Variants in XKR4 observed in about 807,000 individuals in gnomAD.
XKR4 encodes XK-related protein 4.
XKR4 carries 12 observed loss-of-function variants against 53.9 expected under a neutral mutation model. The ratio of observed to expected loss-of-function variants is 0.22; its 90% CI spans 0.14 to 0.36. XKR4 has a LOEUF of 0.36. XKR4 is among the 10% of genes least tolerant of loss of function. The pLI is 1.00. For synonymous variants in XKR4, 354 were observed against 362.4 expected (o/e 0.98, Z 0.26); for missense variants, 799 against 859.5 (o/e 0.93, Z 0.88).
intron 1 of XKR4, among the ~76,000 whole-genome samples, chr8:55,221,515 G>A (rs1228690004): frequency 1.3e-5 from 2 of 152,166 alleles, no homozygotes; most frequent in African/African-American, 4.8e-5. Flanking sequence ...GTTTCTGATG[G>A]TCAAAGCCAA....
At chr8:55,492,284 A>G (rs1585604009) in intron 2 of XKR4, among the ~76,000 whole-genome samples, 1 of 152,222 alleles carries the variant, frequency 6.6e-6, no homozygotes, top group African/African-American at 2.4e-5. Context: ...CATGCTTTAT[A>G]TATTTAGTAG....
At chr8:55,305,079 G>C (rs988401467) in intron 1 of XKR4, among the ~76,000 whole-genome samples, 1 of 152,158 alleles carries the variant, frequency 6.6e-6, no homozygotes, top group African/African-American at 2.4e-5. Flanking sequence ...GGCTCAGCCA[G>C]TGGCGATGGG....
At chr8:55,116,995 G>A (rs1006535146) in intron 1 of XKR4, among the ~76,000 whole-genome samples, 1 of 152,108 alleles carries the variant, frequency 6.6e-6, no homozygotes, top group Middle Eastern at 3.4e-3. Context: ...TTGATGTGAA[G>A]AAAAAAGATA....
chr8:55,139,714 T>C (rs938064366), intron 1 of XKR4, among the ~76,000 whole-genome samples: 1 of 151,932 alleles, frequency 6.6e-6, no homozygotes, highest in Non-Finnish European at 1.5e-5. Context: ...GAGAGAATAC[T>C]GAACTCCTGA....
At chr8:55,452,509 CCT>C in intron 2 of XKR4, 1 of 651,754 alleles carries the variant, frequency 1.5e-6, no homozygotes, top group Non-Finnish European at 2.8e-6. Context: ...AGCACACACT[CCT>C]CACCAGACAG....
intron 2 of XKR4, among the ~76,000 whole-genome samples, chr8:55,386,236 C>T (rs958694039): frequency 6.6e-6 from 1 of 152,126 alleles, no homozygotes; most frequent in African/African-American, 2.4e-5. Flanking sequence ...CTTGCATCAC[C>T]ACCTCGTGAG....
intron 2 of XKR4, among the ~76,000 whole-genome samples, chr8:55,418,783 C>T (rs890709395): frequency 2.6e-5 from 4 of 152,216 alleles, no homozygotes; most frequent in African/African-American, 9.6e-5. Flanking sequence ...TTCCTGACAC[C>T]TGTCCAGCTC....
chr8:55,399,078 AAGTAGCG>A (rs1315905005), intron 2 of XKR4, among the ~76,000 whole-genome samples: 1 of 152,208 alleles, frequency 6.6e-6, no homozygotes, highest in African/African-American at 2.4e-5. Context: ...GATTTTCTGG[AAGTAGCG>A]AGTGTTGTTC....
intron 2 of XKR4, chr8:55,450,811 G>T: frequency 1.9e-6 from 1 of 513,582 alleles, no homozygotes; most frequent in South Asian, 1.9e-5. Context: ...TACCACATGG[G>T]TGGTGATGTC....
At chr8:55,317,241 A>C (rs531080405) in intron 1 of XKR4, among the ~76,000 whole-genome samples, 1 of 152,230 alleles carries the variant, frequency 6.6e-6, no homozygotes, top group Non-Finnish European at 1.5e-5. Flanking sequence ...ATAGATGATG[A>C]GTGAACAAAA....
intron 1 of XKR4, among the ~76,000 whole-genome samples, chr8:55,328,828 T>C (rs1803334089): frequency 6.6e-6 from 1 of 152,224 alleles, no homozygotes; most frequent in Non-Finnish European, 1.5e-5. Context: ...ATCTCAGCTT[T>C]ACTACCCCCT....
chr8:55,410,078 T>A (rs1804751937), intron 2 of XKR4, among the ~76,000 whole-genome samples: 1 of 149,606 alleles, frequency 6.7e-6, no homozygotes, highest in Non-Finnish European at 1.5e-5. Context: ...TTCCTCTCTG[T>A]CATTTGCCTT....
chr8:55,536,415 G>A lies in XKR4; in HGVS notation c.*12188G>A, dbSNP rs1168699658. 2 of 152,172 alleles carry A rather than the reference G, an allele frequency of 1.3e-5. No individual in the cohort carries two copies. The highest frequency in any genetic ancestry group is 1.3e-4 in the Admixed American group (2 of 15,276). 9.4% of individuals were successfully genotyped at this position (152,172 alleles called of 1,614,324 possible). A position where few individuals can be genotyped will look rare whatever the true frequency, so the allele number is the denominator to read the frequency against. ...GTCACTAAACCAAAGTAGACAAGGA[G>A]TTATTAAAAAATAAAGACTGTCCAC... On this transcript the variant is annotated 3_prime_UTR_variant, in exon 3 of 3. Transcript: ENST00000327381.
Position 55,535,527 on chromosome 8 carries a change from T to C in XKR4, c.*11300T>C, listed in dbSNP as rs1375592778. On this transcript the variant is annotated 3_prime_UTR_variant, in exon 3 of 3. Coordinates refer to ENST00000327381, the MANE Select transcript of XKR4 (RefSeq NM_052898.2). ...CCCACATAGGTACAAAGATACTCTG[T>C]AATGTACAATGAGGTGGCCAATCGT... is the stretch of plus-strand genomic sequence containing the variant. 1 of 152,118 alleles carries C rather than the reference T, an allele frequency of 6.6e-6. No homozygotes were observed. The highest frequency in any genetic ancestry group is 2.4e-5 in the African/African-American group (1 of 41,432). 9.4% of individuals were successfully genotyped at this position (152,118 alleles called of 1,614,324 possible). A position where few individuals can be genotyped will look rare whatever the true frequency, so the allele number is the denominator to read the frequency against.
At chr8:55,463,738 T>G (rs1044901789) in intron 2 of XKR4, among the ~76,000 whole-genome samples, 9 of 151,420 alleles carry the variant, frequency 5.9e-5, no homozygotes, top group East Asian at 1.9e-4. Context: ...GCAAGACTAA[T>G]AAAGAAGAAA....
rs768003479 is a variant in XKR4 at position 55,523,379 on chromosome 8, T to C, written c.1105T>C (p.Tyr369His). ...DSRDDKKPIS[Y>H]MAVIIQFCWH... The stretch of plus-strand genomic sequence containing the variant: ...TCGAGATGACAAGAAGCCCATCAGC[T>C]ACATGGCCGTCATCATCCAGTTCTG... Residue 369 changes from tyrosine to histidine, a missense_variant, in exon 3 of 3, where the codon TAC becomes CAC. By Grantham distance (83) the Tyr-to-His change is moderately conservative. Coordinates refer to ENST00000327381, the MANE Select transcript of XKR4 (RefSeq NM_052898.2). 11 of 1,614,114 alleles carry C rather than the reference T, an allele frequency of 6.8e-6. No individual in the cohort carries two copies. Among genetic ancestry groups the C allele is most frequent in the Non-Finnish European group, 8.5e-6 (10 of 1,180,052 alleles).
rs34214148 is a variant in XKR4, at chr8:55,215,074, T to TAA, written c.806+111794_806+111795dup. On this transcript the variant is annotated intron_variant, in intron 1 of 2. Transcript: ENST00000327381. The stretch of plus-strand genomic sequence containing the variant: ...AACTTACTTGGGTTTAGAGTATGGT[T>TAA]AAAAAAAAAAAAAAATCCTAAAGCC... Among the ~76,000 whole-genome samples the TAA allele has an allele frequency of 9.7e-4, 141 of 145,922 alleles. 2 individuals carry two copies. Among genetic ancestry groups the TAA allele is most frequent in the Admixed American group, 2.0e-3 (29 of 14,686 alleles).
At chr8:55,334,887 G>C (rs1205496793) in intron 1 of XKR4, among the ~76,000 whole-genome samples, 3 of 152,058 alleles carry the variant, frequency 2.0e-5, no homozygotes, top group Non-Finnish European at 4.4e-5. Flanking sequence ...AATTTTCCTG[G>C]GTCCTTTGCT....
At chr8:55,452,434 C>A in intron 2 of XKR4, 1 of 622,912 alleles carries the variant, frequency 1.6e-6, no homozygotes, top group Non-Finnish European at 2.9e-6. Context: ...GCTGGCCACC[C>A]CGCACTGCCC....
Sources: allele counts gnomAD v4.1 joint callset (sites outside exome capture counted in the v4.1 genomes callset), GRCh38; gene constraint gnomAD v4.1.1; transcripts MANE v1.5; gene names NCBI Gene and HGNC (gene_info 2026-07-23, HGNC 2026-07-21).